CREB5: variants seen among roughly 807,000 people sequenced by gnomAD.
The protein encoded by CREB5 is cAMP responsive element binding protein 5, also known as cyclic AMP-responsive element-binding protein 5.
A neutral mutation model predicts 57.1 loss-of-function variants in CREB5; 19 were observed. That is an observed-to-expected ratio of 0.33 (90% CI 0.23 to 0.49). CREB5 has a LOEUF of 0.49. Among genes scored for constraint, CREB5 ranks in the 20% least tolerant of loss-of-function variants. The pLI, the probability that CREB5 is intolerant of heterozygous loss-of-function variation, is 0.99. For missense variants in CREB5, 579 were observed against 671.6 expected, an observed-to-expected ratio of 0.86 and a Z score of 1.52; for synonymous variants, 238 against 238.3, an observed-to-expected ratio of 1.00 and a Z score of 0.01.
chr7:28,638,294 C>CACACACACACACACAT (rs1554278720), intron 5 of CREB5, among the ~76,000 whole-genome samples: 26 of 127,932 alleles, frequency 2.0e-4, no homozygotes, highest in African/African-American at 6.0e-4. Flanking sequence ...CACACACACA[C>CACACACACACACACAT]GAACACACAC....
chr7:28,560,843 T>TGTGCGTGCGTGCGC, intron 4 of CREB5, among the ~76,000 whole-genome samples: 1 of 76,368 alleles, frequency 1.3e-5, no homozygotes, highest in East Asian at 4.6e-4. Flanking sequence ...CGTGTGTGTG[T>TGTGCGTGCGTGCGC]GCGCGTGTGT....
intron 5 of CREB5, among the ~76,000 whole-genome samples, chr7:28,717,115 T>G (rs546802394): frequency 8.4e-6 from 1 of 118,904 alleles, no homozygotes; most frequent in Admixed American, 1.0e-4. Flanking sequence ...TGAGATGGAA[T>G]CTCGCTTTGT....
At chr7:28,428,237 T>C (rs763704) in intron 1 of CREB5, among the ~76,000 whole-genome samples, 52,790 of 152,104 alleles carry the variant, frequency 0.35, 9,659 homozygotes, top group Middle Eastern at 0.4. Flanking sequence ...AGGGAAGCAG[T>C]GGGAGCTGCT....
At chr7:28,331,866 AAG>A (rs1785723678) in intron 1 of CREB5, among the ~76,000 whole-genome samples, 1 of 151,686 alleles carries the variant, frequency 6.6e-6, no homozygotes, top group Non-Finnish European at 1.5e-5. Context: ...AAAAAAAAAA[AAG>A]CTTCTTTCAT....
intron 7 of CREB5, among the ~76,000 whole-genome samples, chr7:28,765,883 A>ATT (rs1371834697): frequency 6.6e-6 from 1 of 152,196 alleles, no homozygotes; most frequent in African/African-American, 2.4e-5. Flanking sequence ...AACTGCAGCT[A>ATT]TTGCCCGTGT....
At chr7:28,500,386 T>C (rs1583543970) in intron 3 of CREB5, among the ~76,000 whole-genome samples, 3 of 152,320 alleles carry the variant, frequency 2.0e-5, no homozygotes, top group African/African-American at 7.2e-5. Context: ...CACAGCTGAC[T>C]ATATCTTGAG....
Position 28,418,675 on chromosome 7 carries a change from T to C in CREB5, c.3+5758T>C, listed in dbSNP as rs6961158. 2.3e-3 allele frequency among the ~76,000 whole-genome samples: 347 copies of C among 152,366 alleles called. 2 individuals carry two copies. The highest frequency in any genetic ancestry group is 8.0e-3 in the African/African-American group (331 of 41,590). The stretch of plus-strand genomic sequence containing the variant: ...ATATTTGTGTTTTCTGTAATGTCAT[T>C]CATTGGAAGAATGTTAGCTTTCATT... On this transcript the variant is annotated intron_variant, in intron 1 of 10. Coordinates refer to ENST00000357727, the MANE Select transcript of CREB5 (RefSeq NM_182898.4).
chr7:28,446,748 C>T lies in CREB5; in HGVS notation c.3+33831C>T, dbSNP rs371286899. On this transcript the variant is annotated intron_variant, in intron 1 of 10. Transcript: ENST00000357727. Reference sequence around the variant, plus strand: ...TGGAGATTGCAGTGAGCCGAGATCACGCCACTGCACTCCAGCCTGGGCAAC... The same window carrying T: ...TGGAGATTGCAGTGAGCCGAGATCATGCCACTGCACTCCAGCCTGGGCAAC... Among the ~76,000 whole-genome samples the T allele has an allele frequency of 7.2e-5, 11 of 152,232 alleles. No homozygotes were observed. The East Asian group carries it at 1.2e-3, about 16-fold the overall frequency.
intron 5 of CREB5, among the ~76,000 whole-genome samples, chr7:28,599,500 G>T (rs310356): frequency 0.47 from 71,719 of 151,912 alleles, 17,905 homozygotes; most frequent in Non-Finnish European, 0.55. Flanking sequence ...ACTGTATGGG[G>T]GTGGAGGTGG....
At chr7:28,696,788 G>A (rs188394128) in intron 5 of CREB5, among the ~76,000 whole-genome samples, 280 of 146,590 alleles carry the variant, frequency 1.9e-3, no homozygotes, top group African/African-American at 7.1e-3. Context: ...ATACACATAC[G>A]TATACGTATA....
chr7:28,749,874 T>C (rs1804881185), intron 7 of CREB5, among the ~76,000 whole-genome samples: 1 of 151,852 alleles, frequency 6.6e-6, no homozygotes. Context: ...TAGAATCCAA[T>C]TGGCCAAGAA....
At chr7:28,809,809 C>T (rs1398168043) in intron 9 of CREB5, among the ~76,000 whole-genome samples, 1 of 152,178 alleles carries the variant, frequency 6.6e-6, no homozygotes, top group African/African-American at 2.4e-5. Flanking sequence ...AATAAACAAA[C>T]TAATGTCTCC....
chr7:28,497,707 A>G (rs1296195685), intron 3 of CREB5, among the ~76,000 whole-genome samples: 1 of 152,194 alleles, frequency 6.6e-6, no homozygotes, highest in Non-Finnish European at 1.5e-5. Flanking sequence ...TGTGTAATAT[A>G]CCAACATTGT....
chr7:28,532,481 A>G (rs761168469), intron 4 of CREB5, among the ~76,000 whole-genome samples: 11 of 152,156 alleles, frequency 7.2e-5, no homozygotes, highest in Non-Finnish European at 1.0e-4. Flanking sequence ...TGGCACCCCA[A>G]CCCTGGAAAA....
chr7:28,378,228 G>C (rs988248211), intron 1 of CREB5, among the ~76,000 whole-genome samples: 3 of 151,920 alleles, frequency 2.0e-5, no homozygotes, highest in African/African-American at 4.8e-5. Context: ...TTTTCAAAGA[G>C]ATCTGAGGCT....
intron 4 of CREB5, among the ~76,000 whole-genome samples, chr7:28,552,825 G>A (rs903285702): frequency 3.9e-5 from 6 of 152,194 alleles, no homozygotes; most frequent in East Asian, 1.9e-4. Context: ...AATTATCTGC[G>A]ATGAAGTACG....
chr7:28,454,286 C>T (rs1789991106), intron 1 of CREB5, among the ~76,000 whole-genome samples: 1 of 152,136 alleles, frequency 6.6e-6, no homozygotes, highest in African/African-American at 2.4e-5. Flanking sequence ...TTCCTCATAA[C>T]TTCTGTTGGA....
At chr7:28,675,389 T>C (rs1288466622) in intron 5 of CREB5, among the ~76,000 whole-genome samples, 1 of 152,184 alleles carries the variant, frequency 6.6e-6, no homozygotes, top group East Asian at 1.9e-4. Flanking sequence ...TGTCCTGGTG[T>C]TTCAGAGCCC....
chr7:28,700,762 T>C (rs1801812872), intron 5 of CREB5, among the ~76,000 whole-genome samples: 1 of 152,058 alleles, frequency 6.6e-6, no homozygotes, highest in South Asian at 2.1e-4. Flanking sequence ...TCTATTTCCT[T>C]TCGATAAAAA....
Sources: allele counts gnomAD v4.1 joint callset (sites outside exome capture counted in the v4.1 genomes callset), GRCh38; gene constraint gnomAD v4.1.1; transcripts MANE v1.5; gene names NCBI Gene and HGNC (gene_info 2026-07-23, HGNC 2026-07-21).